PPFIA2: variants seen among roughly 807,000 people sequenced by gnomAD.
PPFIA2 encodes the protein liprin-alpha-2.
Under a neutral mutation model 175.5 loss-of-function variants are expected in PPFIA2, and 46 were observed. The ratio of observed to expected loss-of-function variants is 0.26; its 90% CI spans 0.21 to 0.34. PPFIA2 has a LOEUF of 0.34. PPFIA2 is among the 10% of genes least tolerant of loss of function. The pLI is 1.00. For missense variants in PPFIA2, 1,179 were observed against 1,506.1 expected (o/e 0.78, Z 3.60); for synonymous variants, 568 against 511.4 (o/e 1.11, Z -1.49).
chr12:81,264,948 C>T (rs1384779152), intron 30 of PPFIA2, among the ~76,000 whole-genome samples: 1 of 151,640 alleles, frequency 6.6e-6, no homozygotes, highest in Admixed American at 6.6e-5. Flanking sequence ...CACTATGTTA[C>T]ACTGTAGAGC....
intron 4 of PPFIA2, among the ~76,000 whole-genome samples, chr12:81,632,560 A>G (rs1187939562): frequency 6.6e-6 from 1 of 152,136 alleles, no homozygotes; most frequent in Non-Finnish European, 1.5e-5. Flanking sequence ...AATGAAGGAA[A>G]AACTCTATAT....
chr12:81,276,923 A>G (rs2040672738), intron 28 of PPFIA2, among the ~76,000 whole-genome samples: 1 of 152,188 alleles, frequency 6.6e-6, no homozygotes, highest in South Asian at 2.1e-4. Context: ...CTGGAATAAA[A>G]TTAAAATGAT....
At chr12:81,674,609 A>G (rs1185336588) in intron 4 of PPFIA2, among the ~76,000 whole-genome samples, 1 of 152,080 alleles carries the variant, frequency 6.6e-6, no homozygotes, top group African/African-American at 2.4e-5. Flanking sequence ...CAGAGGCTGC[A>G]GTGAGATCAG....
At chr12:81,453,585 C>T (rs2053052733) in intron 5 of PPFIA2, among the ~76,000 whole-genome samples, 1 of 151,886 alleles carries the variant, frequency 6.6e-6, no homozygotes, top group Admixed American at 6.6e-5. Context: ...ACATTTTTAT[C>T]AGTATAAAAA....
At position 81,630,905 on chromosome 12, in the gene PPFIA2, T is replaced by A. The variant is rs1023128802; in HGVS notation, c.303+45886A>T. Among the ~76,000 whole-genome samples, 403 of 149,744 alleles carry A rather than the reference T, an allele frequency of 2.7e-3. 2 individuals carry two copies. Among genetic ancestry groups the A allele is most frequent in the African/African-American group, 7.1e-3 (288 of 40,706 alleles). On this transcript the variant is annotated intron_variant, in intron 4 of 32. Coordinates refer to ENST00000549396, the MANE Select transcript of PPFIA2 (RefSeq NM_003625.5). ...GCTATATATATATATATATATTTTTTTTTTTTTTCCAGACAGAGTCTAGCT... is the reference window on the plus strand; with the variant it reads ...GCTATATATATATATATATATTTTTATTTTTTTTCCAGACAGAGTCTAGCT...
intron 3 of PPFIA2, among the ~76,000 whole-genome samples, chr12:81,699,889 A>G (rs1241049896): frequency 2.6e-5 from 4 of 152,016 alleles, no homozygotes; most frequent in Admixed American, 1.3e-4. Flanking sequence ...CCACATTTCT[A>G]TTGAATCTTA....
chr12:81,342,491 G>T (rs1407129451), intron 19 of PPFIA2, among the ~76,000 whole-genome samples: 1 of 152,042 alleles, frequency 6.6e-6, no homozygotes, highest in Non-Finnish European at 1.5e-5. Flanking sequence ...TCATGAAATT[G>T]TCAGGACTTT....
At chr12:81,539,150 C>A (rs1040726131) in intron 4 of PPFIA2, among the ~76,000 whole-genome samples, 8 of 151,780 alleles carry the variant, frequency 5.3e-5, no homozygotes, top group African/African-American at 1.9e-4. Flanking sequence ...GAAGACTCTG[C>A]GGGGAGCAGT....
chr12:81,559,717 T>C (rs550695849), intron 4 of PPFIA2, among the ~76,000 whole-genome samples: 1 of 152,258 alleles, frequency 6.6e-6, no homozygotes, highest in South Asian at 2.1e-4. Context: ...GTAAACCTCT[T>C]TGAAATTATA....
intron 8 of PPFIA2, among the ~76,000 whole-genome samples, chr12:81,398,523 C>T (rs1016398241): frequency 3.3e-5 from 5 of 152,074 alleles, no homozygotes; most frequent in Non-Finnish European, 7.4e-5. Flanking sequence ...TCCAATCCCC[C>T]TGTTCATGAG....
Position 81,540,603 on chromosome 12 carries a change from T to C in PPFIA2, c.304-82737A>G, listed in dbSNP as rs749170951. 3.3e-5 allele frequency among the ~76,000 whole-genome samples: 5 copies of C among 152,148 alleles called. No homozygotes were observed. In the East Asian group the frequency reaches 9.7e-4, roughly 29 times the overall value. On this transcript the variant is annotated intron_variant, in intron 4 of 32. Transcript: ENST00000549396. ...TTTAAATTTTAAATAAATGTAGCTC[T>C]TTAGGAGTTTAAAAAATATTTCAAG...
At chr12:81,700,972 G>A (rs1281697130) in intron 3 of PPFIA2, among the ~76,000 whole-genome samples, 2 of 152,030 alleles carry the variant, frequency 1.3e-5, no homozygotes, top group African/African-American at 4.8e-5. Flanking sequence ...GGATTAAAAG[G>A]TTTGGAAGAT....
chr12:81,551,376 T>C (rs2067891200), intron 4 of PPFIA2, among the ~76,000 whole-genome samples: 1 of 151,972 alleles, frequency 6.6e-6, no homozygotes, highest in Non-Finnish European at 1.5e-5. Context: ...TATTCTGTCA[T>C]TAGAAAGTAC....
At chr12:81,648,445 CA>C (rs1312206966) in intron 4 of PPFIA2, among the ~76,000 whole-genome samples, 1 of 151,560 alleles carries the variant, frequency 6.6e-6, no homozygotes, top group East Asian at 1.9e-4. Context: ...ACACTATCAA[CA>C]AAAAATGGAA....
intron 16 of PPFIA2, among the ~76,000 whole-genome samples, chr12:81,355,880 C>T (rs748543779): frequency 1.3e-5 from 2 of 152,148 alleles, no homozygotes; most frequent in African/African-American, 4.8e-5. Context: ...ATCAAATTTA[C>T]GTAGACCACT....
chr12:81,517,347 T>C (rs2062589176), intron 4 of PPFIA2, among the ~76,000 whole-genome samples: 1 of 152,134 alleles, frequency 6.6e-6, no homozygotes, highest in Non-Finnish European at 1.5e-5. Context: ...CCAGCTTCAG[T>C]TCTCCACCAC....
chr12:81,625,957 A>G (rs2062650157), intron 4 of PPFIA2, among the ~76,000 whole-genome samples: 1 of 150,876 alleles, frequency 6.6e-6, no homozygotes, highest in South Asian at 2.1e-4. Context: ...AGAAAGAGAA[A>G]GGGATAATTC....
intron 4 of PPFIA2, among the ~76,000 whole-genome samples, chr12:81,640,003 G>A (rs527477485): frequency 4.6e-5 from 7 of 152,224 alleles, no homozygotes; most frequent in African/African-American, 1.2e-4. Flanking sequence ...CTAGTGCTAC[G>A]TGTATACTCA....
intron 4 of PPFIA2, among the ~76,000 whole-genome samples, chr12:81,610,024 A>G (rs539471360): frequency 1.3e-5 from 2 of 152,284 alleles, no homozygotes; most frequent in Non-Finnish European, 2.9e-5. Flanking sequence ...TTTCTCCTTC[A>G]ATTATGAAGC....
Sources: gnomAD v4.1 joint callset for allele counts (sites outside exome capture counted in the v4.1 genomes callset) on GRCh38, gnomAD v4.1.1 for gene constraint, MANE v1.5 for transcripts, NCBI Gene and HGNC (gene_info 2026-07-23, HGNC 2026-07-21) for gene names.